Variants in TBC1D30 observed in about 807,000 individuals in gnomAD.
TBC1D30 encodes TBC1 domain family, member 30.
In TBC1D30, 31 loss-of-function variants were observed where a neutral mutation model predicts 63.2. That is an observed-to-expected ratio of 0.49 (90% CI 0.37 to 0.66). The LOEUF is 0.66. Among genes scored for constraint, TBC1D30 ranks in the 30% least tolerant of loss-of-function variants. The pLI is 0.00. For synonymous variants in TBC1D30, 307 were observed against 361.5 expected, an observed-to-expected ratio of 0.85 and a Z score of 1.71; for missense variants, 810 against 953.6, an observed-to-expected ratio of 0.85 and a Z score of 1.98.
At chr12:64,859,949 G>A (rs73325501) in intron 8 of TBC1D30, among the ~76,000 whole-genome samples, 2,493 of 151,696 alleles carry the variant, frequency 0.016, 86 homozygotes, top group African/African-American at 0.058. Flanking sequence ...CACTCCCAGA[G>A]CCTCTGTTAT....
At chr12:64,762,409 G>A (rs1397152325) in intron 1 of TBC1D30, among the ~76,000 whole-genome samples, 4 of 152,170 alleles carry the variant, frequency 2.6e-5, no homozygotes, top group Non-Finnish European at 1.5e-5. Context: ...GATTGGAAGA[G>A]GACAAGCATG....
chr12:64,764,792 A>G (rs1054205266), intron 1 of TBC1D30, among the ~76,000 whole-genome samples: 3 of 152,226 alleles, frequency 2.0e-5, no homozygotes, highest in African/African-American at 4.8e-5. Flanking sequence ...GTTTGTACAG[A>G]TGTCTTTCTG....
chr12:64,825,272 T>C, intron 1 of TBC1D30: 2 of 462,714 alleles, frequency 4.3e-6, no homozygotes, highest in South Asian at 4.8e-5. Context: ...GCTTCCACCC[T>C]CTCCCCGCGG....
Position 64,830,342 on chromosome 12 carries a change from C to A in TBC1D30, c.283-35C>A, listed in dbSNP as rs535993786. 8 of 1,495,016 alleles carry A rather than the reference C, an allele frequency of 5.4e-6. No individual in the cohort carries two copies. The South Asian group carries it at 7.5e-5, about 14-fold the overall frequency. 92.6% of individuals were successfully genotyped at this position (1,495,016 alleles called of 1,614,324 possible). ...AATAAAGGTGAAGTTATATATTCTA[C>A]TTTGGCATTCTCCTTTGTCTATGTA... is the stretch of plus-strand genomic sequence containing the variant. On this transcript the variant is annotated intron_variant, in intron 3 of 11. Transcript: ENST00000539867.
intron 2 of TBC1D30, among the ~76,000 whole-genome samples, chr12:64,802,872 A>G (rs567949453): frequency 3.9e-5 from 6 of 152,258 alleles, no homozygotes; most frequent in African/African-American, 1.4e-4. Flanking sequence ...TGTATGTGCC[A>G]CATTTTCTTA....
At chr12:64,826,077 TTTC>T (rs1874318602) in intron 1 of TBC1D30, among the ~76,000 whole-genome samples, 2 of 152,202 alleles carry the variant, frequency 1.3e-5, no homozygotes, top group Admixed American at 6.5e-5. Context: ...CTCTTTTTTT[TTTC>T]TTTTAAATCT....
At chr12:64,809,354 G>A (rs1873071182) in intron 2 of TBC1D30, among the ~76,000 whole-genome samples, 2 of 151,824 alleles carry the variant, frequency 1.3e-5, no homozygotes, top group Admixed American at 1.3e-4. Context: ...ATGATATTTG[G>A]TTGTCCATTA....
intron 8 of TBC1D30, among the ~76,000 whole-genome samples, chr12:64,861,540 G>A (rs1347622645): frequency 1.3e-5 from 2 of 152,134 alleles, no homozygotes; most frequent in Non-Finnish European, 2.9e-5. Flanking sequence ...TCTGTTCTAA[G>A]TGCCATACTG....
chr12:64,828,260 G>A (rs1324346709), intron 2 of TBC1D30, among the ~76,000 whole-genome samples, 184 bp from the exon 3 acceptor site: 1 of 152,202 alleles, frequency 6.6e-6, no homozygotes, highest in Non-Finnish European at 1.5e-5. Context: ...GTGCCCAAGG[G>A]GTGGGACGTG....
At chr12:64,814,412 G>A (rs1375475906) in intron 2 of TBC1D30, among the ~76,000 whole-genome samples, 1 of 151,882 alleles carries the variant, frequency 6.6e-6, no homozygotes, top group Non-Finnish European at 1.5e-5. Flanking sequence ...ATGTGCCATA[G>A]ATAAAATTTA....
intron 7 of TBC1D30, among the ~76,000 whole-genome samples, chr12:64,841,425 C>G (rs1875859312): frequency 6.6e-6 from 1 of 152,176 alleles, no homozygotes; most frequent in Non-Finnish European, 1.5e-5. Context: ...TGTGGTGTGT[C>G]CTCCTTGGTT....
intron 11 of TBC1D30, among the ~76,000 whole-genome samples, chr12:64,874,027 G>T (rs1878855431): frequency 6.6e-6 from 1 of 152,196 alleles, no homozygotes; most frequent in African/African-American, 2.4e-5. Context: ...ATAGGAGTCT[G>T]GTCATAGCCG....
chr12:64,862,223 C>T (rs750502105), intron 8 of TBC1D30, among the ~76,000 whole-genome samples: 2 of 152,134 alleles, frequency 1.3e-5, no homozygotes, highest in African/African-American at 2.4e-5. Context: ...TAAAGATTTC[C>T]GACACCCTGA....
intron 5 of TBC1D30, among the ~76,000 whole-genome samples, chr12:64,835,337 G>A (rs1875247189): frequency 1.3e-5 from 2 of 152,168 alleles, no homozygotes; most frequent in South Asian, 4.1e-4. Flanking sequence ...TATAAGCTGG[G>A]GAGGAGGGGA....
intron 1 of TBC1D30, among the ~76,000 whole-genome samples, chr12:64,763,538 ACTT>A (rs1419274288): frequency 4.6e-5 from 7 of 151,024 alleles, no homozygotes; most frequent in Non-Finnish European, 8.9e-5. Flanking sequence ...GTTACTCTTT[ACTT>A]CTTAATGTCA....
At chr12:64,851,258 A>T (rs979437223) in intron 8 of TBC1D30, among the ~76,000 whole-genome samples, 1 of 151,908 alleles carries the variant, frequency 6.6e-6, no homozygotes, top group Non-Finnish European at 1.5e-5. Flanking sequence ...AGGGTTTTTC[A>T]TGTCTCTATC....
At chr12:64,863,893 T>C (rs1043637719) in intron 8 of TBC1D30, among the ~76,000 whole-genome samples, 2 of 152,236 alleles carry the variant, frequency 1.3e-5, no homozygotes, top group African/African-American at 4.8e-5. Flanking sequence ...ATGTGATTGA[T>C]ATATGTTTTC....
rs551433021 is a variant in TBC1D30 at position 64,780,863 on chromosome 12, T to A, written c.55T>A (p.Phe19Ile). 4.9e-4 allele frequency: 498 copies of A among 1,011,894 alleles called. 1 individual carries two copies. The highest frequency in any genetic ancestry group is 5.7e-4 in the Non-Finnish European group (483 of 843,276). The allele number at this position is 1,011,894 out of a possible 1,614,324, so 62.7% of individuals were successfully genotyped here. The change falls in exon 1 of 13, where the codon TTC becomes ATC. Residue 19 changes from phenylalanine to isoleucine, a missense_variant. Transcript: ENST00000542120. ...CCCGGGGCTCCGGACGGAGCTGGAA[T>A]TCCGCGGCGGCGGTGGCGAGGCGAG...
rs202223939 is a variant in TBC1D30, at chr12:64,860,008, ATTC to A, written c.1039-4651_1039-4649del. 7.3e-4 allele frequency among the ~76,000 whole-genome samples: 109 copies of A among 148,892 alleles called. No homozygotes were observed. In the East Asian group the frequency reaches 0.011, roughly 15 times the overall value. On this transcript the variant is annotated intron_variant, in intron 8 of 11. Coordinates refer to ENST00000539867, the MANE Select transcript of TBC1D30 (RefSeq NM_015279.2). Reference sequence around the variant, plus strand: ...CCTCTGTACTCCTCCAGTACTAAAGATTCTTCTTCTTTTTTTTTTTTTTTTTTA... The same window carrying A: ...CCTCTGTACTCCTCCAGTACTAAAGATTCTTCTTTTTTTTTTTTTTTTTTA...
Sources: allele counts gnomAD v4.1 joint callset (sites outside exome capture counted in the v4.1 genomes callset), GRCh38; gene constraint gnomAD v4.1.1; transcripts MANE v1.5; gene names NCBI Gene and HGNC (gene_info 2026-07-23, HGNC 2026-07-21).